Variants in RTL4 observed in about 807,000 individuals in gnomAD.
RTL4 encodes retrotransposon Gag-like protein 4.
In RTL4, 4 loss-of-function variants were observed where a neutral mutation model predicts 5.3. The ratio of observed to expected loss-of-function variants is 0.75; its 90% CI spans 0.37 to 1.72. The LOEUF (loss-of-function observed/expected upper bound fraction) is 1.72, where lower values mean the gene tolerates loss of function less well. RTL4 is among the 40% of genes most tolerant of loss of function. RTL4 has a pLI of 0.04. For missense variants in RTL4, 260 were observed against 227.1 expected, an observed-to-expected ratio of 1.14 and a Z score of -0.93; for synonymous variants, 98 against 87.3, an observed-to-expected ratio of 1.12 and a Z score of -0.68.
At chrX:112,138,913 C>T in the RTL4 span, among the ~76,000 whole-genome samples, 1 of 111,416 alleles carries the variant, frequency 9.0e-6, no homozygotes, top group Middle Eastern at 4.7e-3. Flanking sequence ...TAACTATAGA[C>T]TTTATTCAGA....
chrX:112,414,138 A>G, the RTL4 span, among the ~76,000 whole-genome samples: 3 of 111,220 alleles, frequency 2.7e-5, no homozygotes, highest in Non-Finnish European at 5.7e-5. Context: ...GGTACTATTT[A>G]TATTTTTCTG....
chrX:112,348,660 T>C, the RTL4 span, among the ~76,000 whole-genome samples: 22 of 110,954 alleles, frequency 2.0e-4, no homozygotes, highest in African/African-American at 7.2e-4. Context: ...GACTGCACGT[T>C]CCTTAAAGTA....
the RTL4 span, among the ~76,000 whole-genome samples, chrX:112,283,147 T>G: frequency 9.0e-6 from 1 of 111,685 alleles, no homozygotes; most frequent in Non-Finnish European, 1.9e-5. Flanking sequence ...AATGCTTAAA[T>G]TAACTCTTAT....
the RTL4 span, among the ~76,000 whole-genome samples, chrX:112,158,275 A>G: frequency 2.5e-4 from 28 of 111,639 alleles, no homozygotes; most frequent in Non-Finnish European, 4.3e-4. Context: ...GGCACCTAAT[A>G]TGATTTTAAA....
chrX:112,127,418 A>G, the RTL4 span, among the ~76,000 whole-genome samples: 1 of 111,602 alleles, frequency 9.0e-6, no homozygotes, highest in Admixed American at 9.5e-5. Flanking sequence ...CTGGCAATAG[A>G]GGGGAATTTT....
At chrX:112,301,913 C>T in the RTL4 span, among the ~76,000 whole-genome samples, 2 of 107,604 alleles carry the variant, frequency 1.9e-5, no homozygotes, top group African/African-American at 6.8e-5. Flanking sequence ...TACAACTGAG[C>T]TGTGATCGTG....
At chrX:112,172,668 A>G in the RTL4 span, among the ~76,000 whole-genome samples, 1 of 111,357 alleles carries the variant, frequency 9.0e-6, no homozygotes, top group African/African-American at 3.3e-5. Flanking sequence ...TATAGACCCC[A>G]AGAAATATAA....
chrX:112,140,765 C>G, the RTL4 span, among the ~76,000 whole-genome samples: 5 of 111,828 alleles, frequency 4.5e-5, no homozygotes, highest in African/African-American at 1.3e-4. Context: ...ATATTGATAC[C>G]ATAGCAATAT....
chrX:112,361,599 C>T, the RTL4 span, among the ~76,000 whole-genome samples: 997 of 110,619 alleles, frequency 9.0e-3, 38 homozygotes, highest in Admixed American at 0.087. Flanking sequence ...TTTCTTTCTC[C>T]TCCCCTCTGC....
the RTL4 span, among the ~76,000 whole-genome samples, chrX:112,157,987 C>T: frequency 4.7e-4 from 52 of 111,585 alleles, no homozygotes; most frequent in African/African-American, 1.6e-3. Context: ...CTTTTGACTG[C>T]TCTGCCCCCT....
At chrX:112,120,208 G>T in the RTL4 span, among the ~76,000 whole-genome samples, 2 of 112,412 alleles carry the variant, frequency 1.8e-5, no homozygotes, top group Admixed American at 1.9e-4. Context: ...AATAGTTTCA[G>T]GTGGAAAAGC....
At chrX:112,206,587 C>T in the RTL4 span, among the ~76,000 whole-genome samples, 892 of 110,977 alleles carry the variant, frequency 8.0e-3, 5 homozygotes, top group Admixed American at 0.023. Context: ...TCCCTGGCTT[C>T]TAAAGTTGGG....
exon 1 of RTL4, chrX:112,455,936 T>C (rs1488131093): frequency 1.1e-5 from 4 of 350,213 alleles, no homozygotes; most frequent in Non-Finnish European, 2.0e-5. Context: ...GGCAAAACTT[T>C]GCCCAGTCTG....
the RTL4 span, among the ~76,000 whole-genome samples, chrX:112,201,170 T>C: frequency 9.0e-6 from 1 of 110,790 alleles, no homozygotes; most frequent in Admixed American, 9.6e-5. Context: ...GAGTCCCTTA[T>C]AAAACCATCA....
the RTL4 span, among the ~76,000 whole-genome samples, chrX:112,250,974 A>T: frequency 8.9e-6 from 1 of 112,256 alleles, no homozygotes; most frequent in Non-Finnish European, 1.9e-5. Flanking sequence ...TATAATGATG[A>T]TGATGATAAC....
At chrX:112,371,299 A>C in the RTL4 span, among the ~76,000 whole-genome samples, 3 of 111,297 alleles carry the variant, frequency 2.7e-5, no homozygotes, top group African/African-American at 9.8e-5. Flanking sequence ...TCACTCTTCA[A>C]TTGCTTTCTC....
At chrX:112,173,675 G>A in the RTL4 span, among the ~76,000 whole-genome samples, 1 of 110,205 alleles carries the variant, frequency 9.1e-6, no homozygotes, top group South Asian at 3.9e-4. Context: ...TGTCTCCAGA[G>A]GGCATAGTAG....
At chrX:112,313,633 T>TCA in the RTL4 span, among the ~76,000 whole-genome samples, 2 of 109,433 alleles carry the variant, frequency 1.8e-5, no homozygotes, top group African/African-American at 6.7e-5. Context: ...TCTCTCTCTC[T>TCA]CACTCACTCT....
chrX:112,253,381 C>T, the RTL4 span, among the ~76,000 whole-genome samples: 7 of 112,262 alleles, frequency 6.2e-5, no homozygotes, highest in African/African-American at 1.6e-4. Context: ...ATTAAAAATG[C>T]GTGGGGCTGT....
Sources: gnomAD v4.1 joint callset for allele counts (sites outside exome capture counted in the v4.1 genomes callset) on GRCh38, gnomAD v4.1.1 for gene constraint, MANE v1.5 for transcripts, NCBI Gene and HGNC (gene_info 2026-07-23, HGNC 2026-07-21) for gene names.